The following REDIC1 variants were observed in gnomAD, a reference collection of about 807,000 sequenced individuals.
REDIC1 encodes HEI10 Interacting Protein 1.
the REDIC1 span, among the ~76,000 whole-genome samples, chr12:39,877,903 G>C: frequency 6.6e-6 from 1 of 152,182 alleles, no homozygotes; most frequent in Non-Finnish European, 1.5e-5. Flanking sequence ...GGTGGGAGAC[G>C]TTTGGATCAT....
At chr12:39,883,083 CCA>C in the REDIC1 span, among the ~76,000 whole-genome samples, 1 of 151,986 alleles carries the variant, frequency 6.6e-6, no homozygotes, top group Non-Finnish European at 1.5e-5. Context: ...AATTCACATA[CCA>C]TAAAACTTTA....
the REDIC1 span, chr12:39,835,542 T>C: frequency 2.0e-4 from 31 of 152,270 alleles, no homozygotes; most frequent in African/African-American, 7.0e-4. Flanking sequence ...GTTCTCCTTA[T>C]TGATACACAG....
chr12:39,900,758 A>G, the REDIC1 span, among the ~76,000 whole-genome samples: 6 of 152,216 alleles, frequency 3.9e-5, no homozygotes, highest in African/African-American at 1.4e-4. Context: ...AAATGGCCAT[A>G]CTGCCCAAGG....
the REDIC1 span, among the ~76,000 whole-genome samples, chr12:39,835,244 A>T: frequency 6.6e-6 from 1 of 152,106 alleles, no homozygotes; most frequent in Non-Finnish European, 1.5e-5. Context: ...TCTCAAGAGC[A>T]CACATTGTCT....
At chr12:39,751,774 C>T in the REDIC1 span, among the ~76,000 whole-genome samples, 1 of 151,988 alleles carries the variant, frequency 6.6e-6, no homozygotes, top group African/African-American at 2.4e-5. Context: ...AAGCTGGAAA[C>T]CATCATTCTC....
chr12:39,654,038 C>T, the REDIC1 span, among the ~76,000 whole-genome samples: 19 of 144,692 alleles, frequency 1.3e-4, no homozygotes, highest in Admixed American at 1.4e-4. Flanking sequence ...TCAAGTGCTC[C>T]TTCCATGTGT....
chr12:39,732,458 G>T, the REDIC1 span, among the ~76,000 whole-genome samples: 6 of 152,034 alleles, frequency 3.9e-5, no homozygotes, highest in Non-Finnish European at 8.8e-5. Flanking sequence ...TCTTATATTA[G>T]CAGCCATTGG....
At chr12:39,682,771 G>T in the REDIC1 span, 3 of 1,613,236 alleles carry the variant, frequency 1.9e-6, no homozygotes, top group Non-Finnish European at 2.5e-6. Flanking sequence ...TTTTCTTGAA[G>T]ATGTGAACCA....
chr12:39,711,591 A>ATGTGCATACACATGCATGTG, the REDIC1 span, among the ~76,000 whole-genome samples: 5,746 of 25,906 alleles, frequency 0.22, 406 homozygotes, highest in Admixed American at 0.34. Flanking sequence ...ATGCATGTGT[A>ATGTGCATACACATGCATGTG]TATGTGTATA....
At chr12:39,880,085 C>T in the REDIC1 span, among the ~76,000 whole-genome samples, 5 of 152,114 alleles carry the variant, frequency 3.3e-5, no homozygotes, top group African/African-American at 9.7e-5. Context: ...TGCCATGTGA[C>T]GTGACTGCTC....
At chr12:39,712,347 T>C in the REDIC1 span, among the ~76,000 whole-genome samples, 2 of 46,878 alleles carry the variant, frequency 4.3e-5, no homozygotes, top group African/African-American at 9.9e-5. Context: ...CCTGTATTTA[T>C]ATATACATAC....
chr12:39,829,389 A>ATTTTTTTTT, the REDIC1 span: 1 of 65,776 alleles, frequency 1.5e-5, no homozygotes, highest in Non-Finnish European at 2.8e-5. Flanking sequence ...TGTGATAGTA[A>ATTTTTTTTT]TTCTTTTTTT....
chr12:39,811,010 C>T, the REDIC1 span, among the ~76,000 whole-genome samples: 14 of 152,064 alleles, frequency 9.2e-5, no homozygotes, highest in Non-Finnish European at 1.8e-4. Context: ...GGCATTATTT[C>T]TTCTTTAAAT....
the REDIC1 span, among the ~76,000 whole-genome samples, chr12:39,839,197 C>T: frequency 6.6e-6 from 1 of 152,070 alleles, no homozygotes; most frequent in African/African-American, 2.4e-5. Context: ...CCGCCACTAC[C>T]AGTCGGGACA....
At chr12:39,664,089 T>A in the REDIC1 span, among the ~76,000 whole-genome samples, 16 of 151,990 alleles carry the variant, frequency 1.1e-4, no homozygotes, top group African/African-American at 3.1e-4. Flanking sequence ...TTTTTTTTTT[T>A]TAAACTTTAA....
chr12:39,649,663 A>G, the REDIC1 span, among the ~76,000 whole-genome samples: 1 of 150,852 alleles, frequency 6.6e-6, no homozygotes, highest in Non-Finnish European at 1.5e-5. Flanking sequence ...AATCAAATGT[A>G]TGACAGATAT....
chr12:39,679,680 C>G, the REDIC1 span, among the ~76,000 whole-genome samples: 1 of 152,062 alleles, frequency 6.6e-6, no homozygotes, highest in Non-Finnish European at 1.5e-5. Flanking sequence ...CCCCACAGAG[C>G]CAAAGGAAGA....
At chr12:39,655,272 A>G in the REDIC1 span, among the ~76,000 whole-genome samples, 1 of 152,010 alleles carries the variant, frequency 6.6e-6, no homozygotes, top group African/African-American at 2.4e-5. Flanking sequence ...CCTTGGATTT[A>G]GGTTGCCCGT....
the REDIC1 span, among the ~76,000 whole-genome samples, chr12:39,895,361 G>T: frequency 6.6e-6 from 1 of 150,982 alleles, no homozygotes; most frequent in Non-Finnish European, 1.5e-5. Flanking sequence ...TTGGTGGCAG[G>T]CACCTGTAGT....
Sources: allele counts gnomAD v4.1 joint callset (sites outside exome capture counted in the v4.1 genomes callset), GRCh38; gene constraint gnomAD v4.1.1; transcripts MANE v1.5; gene names NCBI Gene and HGNC (gene_info 2026-07-23, HGNC 2026-07-21).